KCND1: variants seen among roughly 807,000 people sequenced by gnomAD.
KCND1 encodes potassium voltage-gated channel subfamily D member 1, also known as A-type voltage-gated potassium channel KCND1.
A neutral mutation model predicts 31.8 loss-of-function variants in KCND1; 11 were observed. The observed-to-expected ratio is 0.35, with a 90% CI of 0.22 to 0.57. The LOEUF (loss-of-function observed/expected upper bound fraction) is 0.57, where lower values mean the gene tolerates loss of function less well. Ranked by LOEUF, KCND1 falls within the 20% of genes least tolerant of loss-of-function variation. KCND1 has a pLI of 0.85. For synonymous variants in KCND1, 234 were observed against 248.1 expected, an observed-to-expected ratio of 0.94 and a Z score of 0.53; for missense variants, 471 against 596.8, an observed-to-expected ratio of 0.79 and a Z score of 2.20.
intron 5 of KCND1, 151 bp downstream of exon 5, chrX:48,965,904 T>G (rs1602456969): frequency 1.3e-5 from 7 of 533,844 alleles, no homozygotes; most frequent in Non-Finnish European, 2.0e-5. Context: ...GGATGAAGAA[T>G]GAGTTCCAGA....
chrX:48,966,064 G>T lies in KCND1; in HGVS notation c.1709C>A (p.Ala570Asp). 8.3e-7 allele frequency: 1 copy of T among 1,209,827 alleles called. No homozygotes were observed. Among genetic ancestry groups the T allele is most frequent in the Non-Finnish European group, 1.1e-6 (1 of 894,885 alleles). ...DMLAGLRRSH[A>D]PQSRSSLNAK... ...TAGGAGGGCTGCTTACCTCTGAGGGGCATGGCTCCTGCGCAGCCCTGCCAG... is the reference window on the plus strand; with the variant it reads ...TAGGAGGGCTGCTTACCTCTGAGGGTCATGGCTCCTGCGCAGCCCTGCCAG... Residue 570 changes from alanine to aspartate, a missense_variant, in exon 5 of 6, where the codon GCC (alanine) becomes GAC (aspartate). By Grantham distance (126) the Ala-to-Asp change is moderately radical. Around this residue, in one of 3 missense-constraint regions of KCND1, gnomAD observed 185 missense variants for 184.7 expected, o/e 1.00. Coordinates refer to ENST00000218176, the MANE Select transcript of KCND1 (RefSeq NM_004979.6).
chrX:48,970,043 C>T lies in KCND1; in HGVS notation c.229G>A (p.Ala77Thr), dbSNP rs782490572. The T allele has an allele frequency of 1.7e-6, 2 of 1,210,858 alleles. No individual in the cohort carries two copies. The highest frequency in any genetic ancestry group is 3.5e-5 in the South Asian group (2 of 56,719). Residue 77 changes from alanine to threonine, a missense_variant, in exon 1 of 6, where the codon GCT becomes ACT. Transcript: ENST00000218176. ...GSSEKEFFYD[A>T]DSGEYFFDRD... ...TCGAAGAAGTACTCGCCTGAGTCAG[C>T]ATCGTAGAAGAATTCCTTCTCCGAG...
rs1157612815 is a variant in KCND1 at position 48,971,041 on chromosome X, G to C, written c.-770C>G. ...CTCTACAGGAGTTCTGGGGAAGAAAGGAGAGGCCAGAGCCTCCTAGTAGGG... is the reference window on the plus strand; with the variant it reads ...CTCTACAGGAGTTCTGGGGAAGAAACGAGAGGCCAGAGCCTCCTAGTAGGG... On this transcript the variant is annotated 5_prime_UTR_variant, in exon 1 of 6. Coordinates refer to ENST00000218176, the MANE Select transcript of KCND1 (RefSeq NM_004979.6). The C allele has an allele frequency of 9.1e-6, 1 of 109,450 alleles. No homozygotes were observed. Among genetic ancestry groups the C allele is most frequent in the Non-Finnish European group, 1.9e-5 (1 of 52,439 alleles). The allele number at this position is 109,450 out of a possible 1,213,427, so 9.0% of individuals were successfully genotyped here.
rs1557058722 is a variant in KCND1 at position 48,970,123 on chromosome X, C to T, written c.149G>A (p.Arg50His). 6 of 1,209,556 alleles carry T rather than the reference C, an allele frequency of 5.0e-6. No individual in the cohort carries two copies. The highest frequency in any genetic ancestry group is 1.8e-5 in the South Asian group (1 of 56,773). The change falls in exon 1 of 6, where the codon CGC becomes CAC. Residue 50 changes from arginine to histidine, a missense_variant. Physicochemically the swap from Arg to His is conservative, Grantham distance 29. Around this residue, in one of 3 missense-constraint regions of KCND1, gnomAD observed 212 missense variants for 257.9 expected, o/e 0.82. Transcript: ENST00000218176. ...CAGCGTATTCTTCCAAGTCTCAAAG[C>T]GCCGTCCGCTCACGTTCACCACCAG... ...EVLVVNVSGR[R>H]FETWKNTLDR...
At chrX:48,964,338 G>A (rs1321280422) in intron 5 of KCND1, among the ~76,000 whole-genome samples, 4 of 111,252 alleles carry the variant, frequency 3.6e-5, no homozygotes, top group African/African-American at 9.8e-5. Context: ...CCAACATGGC[G>A]AAACCCTGTC....
rs781990628 is a variant in KCND1, at chrX:48,969,676, G to A, written c.596C>T (p.Ser199Leu). 4 of 1,208,902 alleles carry A rather than the reference G, an allele frequency of 3.3e-6. No homozygotes were observed. The highest frequency in any genetic ancestry group is 1.7e-5 in the African/African-American group (1 of 57,493). ...YYVTGFFIAV[S>L]VIANVVETIP... ...GGTCTCCACCACATTGGCGATGACC[G>A]ACACGGCGATGAAGAAGCCGGTCAC... The change falls in exon 1 of 6, where the codon TCG (serine) becomes TTG (leucine). Residue 199 changes from serine (S) to leucine (L), a missense_variant. By Grantham distance (145) the Ser-to-Leu change is moderately radical (BLOSUM62 -2). Coordinates refer to ENST00000218176, the MANE Select transcript of KCND1 (RefSeq NM_004979.6).
chrX:48,966,504 T>C, intron 4 of KCND1, 74 bp downstream of exon 4: 3 of 1,058,570 alleles, frequency 2.8e-6, no homozygotes, highest in Non-Finnish European at 3.9e-6. Context: ...GAGCCTCCCA[T>C]CCAAGGGAGA....
At position 48,967,161 on chromosome X, in the gene KCND1, T is replaced by TC. The variant is rs781996102; in HGVS notation, c.1122-56dup. The TC allele has an allele frequency of 9.8e-6, 10 of 1,021,644 alleles. No individual in the cohort carries two copies. The African/African-American group carries it at 1.9e-4, about 19-fold the overall frequency. The allele number at this position is 1,021,644 out of a possible 1,213,427, so 84.2% of individuals were successfully genotyped here. On this transcript the variant is annotated intron_variant, in intron 1 of 5. Transcript: ENST00000218176. ...GGAAAAGTGCCCACCTACCTTTCAGTCCCCCACTCCATCCCATCTAATCCG... is the reference window on the plus strand; with the variant it reads ...GGAAAAGTGCCCACCTACCTTTCAGTCCCCCCACTCCATCCCATCTAATCCG...
intron 5 of KCND1, among the ~76,000 whole-genome samples, chrX:48,965,200 G>A (rs1031318134): frequency 9.3e-5 from 10 of 107,896 alleles, no homozygotes; most frequent in Non-Finnish European, 1.5e-4. Flanking sequence ...TTACAGGTGC[G>A]CGCCACCACA....
intron 5 of KCND1, among the ~76,000 whole-genome samples, chrX:48,964,871 A>C (rs1385520842): frequency 1.9e-5 from 2 of 103,312 alleles, no homozygotes; most frequent in Non-Finnish European, 4.0e-5. Context: ...AAAATACAAA[A>C]ATTAGCCGGG....
rs782248996 is a variant in KCND1 at position 48,969,972 on chromosome X, C to G, written c.300G>C (p.Thr100=). The G allele has an allele frequency of 4.1e-6, 5 of 1,211,567 alleles. No individual in the cohort carries two copies. Residue 100 remains threonine (T), a synonymous_variant, in exon 1 of 6, where the codon ACG becomes ACC. Transcript: ENST00000218176. ...MFRHVLNFYR[T]GRLHCPRQEC... ...CCTGCCGTGGGCAATGCAGCCGCCC[C>G]GTTCGGTAGAAGTTCAGCACATGGC...
rs985523062 is a variant in KCND1 at position 48,970,892 on chromosome X, T to C, written c.-621A>G. On this transcript the variant is annotated 5_prime_UTR_variant, in exon 1 of 6. An upstream start codon of the reference 5' UTR is lost. Coordinates refer to ENST00000218176, the MANE Select transcript of KCND1 (RefSeq NM_004979.6). ...GCATAAGAGGGTTAGACCCCCCTCA[T>C]GGATCTGGAAAGGGAGCTGGTGCAT... 2.7e-5 allele frequency: 3 copies of C among 110,428 alleles called. No individual in the cohort carries two copies. Among genetic ancestry groups the C allele is most frequent in the Admixed American group, 9.7e-5 (1 of 10,362 alleles). The allele number at this position is 110,428 out of a possible 1,213,427, so 9.1% of individuals were successfully genotyped here.
rs781983843 is a variant in KCND1, at chrX:48,969,684, G to A, written c.588C>T (p.Ile196=). The change falls in exon 1 of 6, where the codon ATC becomes ATT. Residue 196 remains isoleucine (I), a synonymous_variant. Transcript: ENST00000218176. ...CCACATTGGCGATGACCGACACGGCGATGAAGAAGCCGGTCACATAGTAGA... is the reference window on the plus strand; with the variant it reads ...CCACATTGGCGATGACCGACACGGCAATGAAGAAGCCGGTCACATAGTAGA... ...LVFYYVTGFF[I]AVSVIANVVE... is the part of the protein sequence containing the mutation. 44 of 1,208,644 alleles carry A rather than the reference G, an allele frequency of 3.6e-5. No individual in the cohort carries two copies. Among genetic ancestry groups the A allele is most frequent in the Non-Finnish European group, 4.5e-5 (40 of 894,632 alleles).
In KCND1 at chrX:48,966,585, T is replaced by G. The variant is rs782049065; in HGVS notation, c.1460A>C (p.Lys487Thr). The G allele has an allele frequency of 2.5e-6, 3 of 1,209,290 alleles. No individual in the cohort carries two copies. The Admixed American group carries it at 6.5e-5, about 26-fold the overall frequency. Residue 487 changes from lysine (K) to threonine (T), a missense_variant, in exon 4 of 6, where the codon AAG becomes ACG. By Grantham distance (78) the Lys-to-Thr change is moderately conservative. Around this residue, in one of 3 missense-constraint regions of KCND1, gnomAD observed 185 missense variants for 184.7 expected, o/e 1.00. Transcript: ENST00000218176. ...QHHHLLHCLE[K>T]TTCHEFTDEL... ...CCTCACATTAGGCCTCACCGTTGTC[T>G]TCTCTAGACAGTGCAGCAAGTGGTG...
In KCND1 at chrX:48,962,790, C is replaced by A; in HGVS notation, c.1735G>T (p.Ala579Ser). ...HAPQSRSSLN[A>S]KPHDSLDLNC... is the part of the protein sequence containing the mutation. The stretch of plus-strand genomic sequence containing the variant: ...AGGTCAAGGCTGTCATGGGGCTTGG[C>A]ATTGAGGCTGGAACGGCTGTGGACA... Residue 579 changes from alanine (A) to serine (S), a missense_variant, in exon 6 of 6, where the codon GCC becomes TCC. Ala to Ser is a moderately conservative substitution (Grantham distance 99). This residue lies in a region of KCND1 where 185 missense variants were observed against 184.7 expected (regional missense o/e 1.00). Transcript: ENST00000218176. The A allele has an allele frequency of 8.3e-7, 1 of 1,210,231 alleles. No homozygotes were observed. Among genetic ancestry groups the A allele is most frequent in the Non-Finnish European group, 1.1e-6 (1 of 894,501 alleles).
At chrX:48,969,028 TG>T (rs2064368454) in intron 1 of KCND1, 122 bp downstream of exon 1, 4 of 736,260 alleles carry the variant, frequency 5.4e-6, no homozygotes, top group Non-Finnish European at 7.7e-6. Context: ...TACTCCAGCC[TG>T]GGCGACAGAG....
At chrX:48,968,856 C>A (rs1464392901) in intron 1 of KCND1, among the ~76,000 whole-genome samples, 1 of 111,750 alleles carries the variant, frequency 8.9e-6, no homozygotes, top group Non-Finnish European at 1.9e-5. Context: ...GAGTTTGAGA[C>A]CAGCCTGGCC....
Position 48,969,825 on chromosome X carries a change from C to T in KCND1, c.447G>A (p.Glu149=). 7.4e-6 allele frequency: 9 copies of T among 1,209,749 alleles called. No homozygotes were observed. Among genetic ancestry groups the T allele is most frequent in the Non-Finnish European group, 1.0e-5 (9 of 894,548 alleles). Residue 149 remains glutamate, a synonymous_variant, in exon 1 of 6, where the codon GAG becomes GAA. Coordinates refer to ENST00000218176, the MANE Select transcript of KCND1 (RefSeq NM_004979.6). ...RKKENAERLA[E]DEEAEQAGDG... The stretch of plus-strand genomic sequence containing the variant: ...CCCCGGCCTGCTCTGCCTCCTCATC[C>T]TCTGCCAGGCGCTCGGCATTCTCCT...
chrX:48,965,868 C>T (rs1287533491), intron 5 of KCND1, among the ~76,000 whole-genome samples, 187 bp downstream of exon 5: 1 of 103,416 alleles, frequency 9.7e-6, no homozygotes, highest in Non-Finnish European at 2.0e-5. Context: ...AGTGAGACTC[C>T]GTCTCAAAAA....
Sources: allele counts gnomAD v4.1 joint callset (sites outside exome capture counted in the v4.1 genomes callset), GRCh38; gene constraint gnomAD v4.1.1; regional missense constraint gnomAD v4.1.1; transcripts MANE v1.5; gene names NCBI Gene and HGNC (gene_info 2026-07-23, HGNC 2026-07-21).